Variants in PREX1 observed in about 807,000 individuals in gnomAD.
PREX1 encodes the protein phosphatidylinositol-3,4,5-trisphosphate dependent Rac exchange factor 1, also known as phosphatidylinositol 3,4,5-trisphosphate-dependent Rac exchanger 1 protein.
PREX1 carries 41 observed loss-of-function variants against 198.3 expected under a neutral mutation model. The ratio of observed to expected loss-of-function variants is 0.21; its 90% CI spans 0.16 to 0.27. The LOEUF is 0.27. PREX1 is among the 10% of genes least tolerant of loss of function. The pLI is 1.00. For synonymous variants in PREX1, 843 were observed against 887.2 expected, an observed-to-expected ratio of 0.95 and a Z score of 0.89; for missense variants, 1,620 against 2,200.7, an observed-to-expected ratio of 0.74 and a Z score of 5.28.
chr20:48,806,031 G>A (rs6019433), intron 1 of PREX1, among the ~76,000 whole-genome samples: 30,525 of 152,182 alleles, frequency 0.2, 3,392 homozygotes, highest in Middle Eastern at 0.3. Context: ...AGGTAATACT[G>A]TGTGATAAGG....
At chr20:48,750,116 C>G (rs1177247468) in intron 1 of PREX1, among the ~76,000 whole-genome samples, 1 of 152,162 alleles carries the variant, frequency 6.6e-6, no homozygotes, top group Non-Finnish European at 1.5e-5. Flanking sequence ...TAGCCAAAAC[C>G]CACTAGCCGT....
chr20:48,673,948 T>C (rs1568817436), intron 14 of PREX1, among the ~76,000 whole-genome samples: 1 of 152,238 alleles, frequency 6.6e-6, no homozygotes, highest in Non-Finnish European at 1.5e-5. Context: ...AGCTTCATTC[T>C]ACAACTGAGG....
intron 10 of PREX1, among the ~76,000 whole-genome samples, chr20:48,681,722 G>A (rs192747054): frequency 9.8e-4 from 149 of 152,282 alleles, no homozygotes; most frequent in Admixed American, 4.2e-3. Context: ...ATGGATGTCC[G>A]GCCAGACAGA....
intron 16 of PREX1, 109 bp from the exon 17 acceptor site, chr20:48,658,337 G>A (rs1386591375): frequency 9.0e-7 from 1 of 1,108,676 alleles, no homozygotes; most frequent in African/African-American, 1.6e-5. Context: ...TAGTAGGGAA[G>A]TGGCCAGATC....
Position 48,725,592 on chromosome 20 carries a change from G to A in PREX1, c.621+698C>T, listed in dbSNP as rs578220707. ...CACCCTGCCTTCCACAAACAGCTCA[G>A]ACTTTGGTCACGTGGGGTTCATCTG... On this transcript the variant is annotated intron_variant, in intron 5 of 39. Transcript: ENST00000371941. 4.5e-4 allele frequency among the ~76,000 whole-genome samples: 68 copies of A among 152,366 alleles called. 1 individual carries two copies. The highest frequency in any genetic ancestry group is 1.6e-3 in the African/African-American group (67 of 41,584).
chr20:48,648,263 C>A (rs543937598), intron 25 of PREX1, among the ~76,000 whole-genome samples: 2 of 152,328 alleles, frequency 1.3e-5, no homozygotes, highest in East Asian at 3.9e-4. Context: ...CACCTACTTC[C>A]GCAGGTGTCT....
chr20:48,867,368 T>G, the PREX1 span, among the ~76,000 whole-genome samples: 3 of 152,172 alleles, frequency 2.0e-5, no homozygotes, highest in Non-Finnish European at 2.9e-5. Context: ...GGAGAGACCT[T>G]GAAAGCACCT....
At chr20:48,848,621 T>C in the PREX1 span, among the ~76,000 whole-genome samples, 11 of 152,134 alleles carry the variant, frequency 7.2e-5, 1 homozygote, top group Non-Finnish European at 1.2e-4. Context: ...TAAAATACCT[T>C]TGGATAACCA....
At position 48,692,770 on chromosome 20, in the gene PREX1, G is replaced by A; in HGVS notation, c.938C>T (p.Ser313Phe). 6.2e-7 allele frequency: 1 copy of A among 1,613,862 alleles called. No individual in the cohort carries two copies. The highest frequency in any genetic ancestry group is 8.5e-7 in the Non-Finnish European group (1 of 1,179,934). ...GTTGATGGATTTGGTCCTCTTGGTG[G>A]ACTTCTTGCTCCCGGTGACCCTGAT... ...RKSRVTGSKK[S>F]TKRTKSINGS... The change falls in exon 8 of 40, where the codon TCC becomes TTC. Residue 313 changes from serine (S) to phenylalanine (F), a missense_variant. Around this residue, in one of 7 missense-constraint regions of PREX1, gnomAD observed 488 missense variants for 802.5 expected, o/e 0.61. Transcript: ENST00000371941.
At chr20:48,701,790 A>G (rs946980655) in intron 6 of PREX1, among the ~76,000 whole-genome samples, 1 of 152,134 alleles carries the variant, frequency 6.6e-6, no homozygotes, top group African/African-American at 2.4e-5. Flanking sequence ...AAACCTGGTC[A>G]CCTATGTTGA....
intron 1 of PREX1, among the ~76,000 whole-genome samples, chr20:48,786,659 C>T (rs1601135479): frequency 6.6e-6 from 1 of 151,310 alleles, no homozygotes; most frequent in Admixed American, 6.6e-5. Context: ...TGGGAAAAAT[C>T]GCTTGAACCC....
the PREX1 span, among the ~76,000 whole-genome samples, chr20:48,881,643 C>T: frequency 2.0e-5 from 3 of 152,072 alleles, no homozygotes; most frequent in Non-Finnish European, 4.4e-5. Flanking sequence ...CCTGCCACGA[C>T]GCCCAGCTAA....
chr20:48,720,880 A>T (rs982895913), intron 5 of PREX1, among the ~76,000 whole-genome samples: 6 of 152,166 alleles, frequency 3.9e-5, no homozygotes, highest in Non-Finnish European at 8.8e-5. Flanking sequence ...TGCATCACCC[A>T]CAGACAGACA....
At chr20:48,651,305 G>A in intron 22 of PREX1, 91 bp downstream of exon 22, 1 of 1,486,686 alleles carries the variant, frequency 6.7e-7, no homozygotes, top group Non-Finnish European at 8.9e-7. Context: ...GGATTCGGGT[G>A]TCCCACCCAA....
In PREX1 at chr20:48,629,443, G is replaced by A; in HGVS notation, c.4766+6C>T. 3.1e-6 allele frequency: 5 copies of A among 1,611,984 alleles called. No individual in the cohort carries two copies. Among genetic ancestry groups the A allele is most frequent in the Non-Finnish European group, 4.2e-6 (5 of 1,178,846 alleles). On this transcript the variant is annotated splice_donor_region_variant and intron_variant, in intron 37 of 39. Coordinates refer to ENST00000371941, the MANE Select transcript of PREX1 (RefSeq NM_020820.4). ...CCACACCCCGACTCAGCGGGCAGCA[G>A]CTCACCTCTGCATGCCTGTGCCACA...
chr20:48,763,871 G>A (rs2090195756), intron 1 of PREX1, among the ~76,000 whole-genome samples: 1 of 152,094 alleles, frequency 6.6e-6, no homozygotes, highest in Non-Finnish European at 1.5e-5. Context: ...TTCAGTTTAG[G>A]GAGTGTCAAC....
chr20:48,725,636 G>A (rs925661764), intron 5 of PREX1, among the ~76,000 whole-genome samples: 4 of 152,252 alleles, frequency 2.6e-5, no homozygotes, highest in African/African-American at 9.6e-5. Flanking sequence ...CATGGCCTGT[G>A]GGACCTAGTG....
chr20:48,817,308 C>G (rs747882662), intron 1 of PREX1, among the ~76,000 whole-genome samples: 1 of 152,148 alleles, frequency 6.6e-6, no homozygotes, highest in Non-Finnish European at 1.5e-5. Context: ...GGGCAAGGGA[C>G]CACTTGGTCA....
At chr20:48,756,787 T>C (rs952098385) in intron 1 of PREX1, among the ~76,000 whole-genome samples, 1 of 152,208 alleles carries the variant, frequency 6.6e-6, no homozygotes, top group Non-Finnish European at 1.5e-5. Flanking sequence ...GTTCTCACAC[T>C]GCTAATAAAG....
Sources: gnomAD v4.1 joint callset for allele counts (sites outside exome capture counted in the v4.1 genomes callset) on GRCh38, gnomAD v4.1.1 for gene constraint, gnomAD v4.1.1 regional missense constraint, MANE v1.5 for transcripts, NCBI Gene and HGNC (gene_info 2026-07-23, HGNC 2026-07-21) for gene names.